The following UGT1A9 variants were observed in gnomAD, a reference collection of about 807,000 sequenced individuals.
UGT1A9 encodes UDP-glucuronosyltransferase 1A9.
Under a neutral mutation model 45.0 loss-of-function variants are expected in UGT1A9, and 35 were observed. The ratio of observed to expected loss-of-function variants is 0.78; its 90% CI spans 0.59 to 1.03. The LOEUF is 1.03. Ranked by LOEUF, UGT1A9 falls within the 50% of genes least tolerant of loss-of-function variation. The pLI, the probability that UGT1A9 is intolerant of heterozygous loss-of-function variation, is 0.00. For missense variants in UGT1A9, 687 were observed against 666.6 expected (o/e 1.03, Z -0.34); for synonymous variants, 278 against 250.6 (o/e 1.11, Z -1.03).
intron 1 of UGT1A9, among the ~76,000 whole-genome samples, chr2:233,736,521 CAA>C (rs1208875271): frequency 6.6e-6 from 1 of 152,210 alleles, no homozygotes; most frequent in Non-Finnish European, 1.5e-5. Flanking sequence ...GTCAACTCGT[CAA>C]AGTCATTCTC....
chr2:233,724,298 C>A (rs1308100434), intron 1 of UGT1A9, among the ~76,000 whole-genome samples: 9 of 143,244 alleles, frequency 6.3e-5, no homozygotes, highest in South Asian at 2.4e-4. Context: ...CTGACCCCCC[C>A]ACCTCCCTCC....
intron 1 of UGT1A9, among the ~76,000 whole-genome samples, chr2:233,681,529 T>TTA (rs2074527086): frequency 1.6e-5 from 1 of 63,104 alleles, no homozygotes; most frequent in Non-Finnish European, 2.8e-5. Context: ...AGACTCCATC[T>TTA]CAAAAAAAAA....
At chr2:233,761,167 G>A in intron 1 of UGT1A9, 1 of 1,614,098 alleles carries the variant, frequency 6.2e-7, no homozygotes. Context: ...TATTGGAGTG[G>A]GACTTTTACA....
intron 1 of UGT1A9, among the ~76,000 whole-genome samples, chr2:233,704,562 T>C (rs1206655848): frequency 6.6e-6 from 1 of 152,186 alleles, no homozygotes; most frequent in Admixed American, 6.5e-5. Flanking sequence ...TTTATATAAA[T>C]ACACATGCTT....
chr2:233,676,471 A>G (rs550913386), intron 1 of UGT1A9, among the ~76,000 whole-genome samples: 1 of 152,304 alleles, frequency 6.6e-6, no homozygotes, highest in Non-Finnish European at 1.5e-5. Context: ...CTCATTCACC[A>G]ATATTGACGC....
chr2:233,711,999 G>A (rs746507163), intron 1 of UGT1A9, among the ~76,000 whole-genome samples: 2 of 152,198 alleles, frequency 1.3e-5, no homozygotes, highest in Non-Finnish European at 2.9e-5. Context: ...ATTCTGTTCT[G>A]GAGGAACCAT....
chr2:233,732,689 A>G (rs539580267), intron 1 of UGT1A9, among the ~76,000 whole-genome samples: 1 of 150,444 alleles, frequency 6.6e-6, no homozygotes, highest in African/African-American at 2.4e-5. Context: ...ACCAGCACCC[A>G]TGCTGTTTTG....
chr2:233,687,831 C>A (rs1481832407), intron 1 of UGT1A9, among the ~76,000 whole-genome samples: 1 of 152,108 alleles, frequency 6.6e-6, no homozygotes. Flanking sequence ...TCCTGTAAAC[C>A]CAGGAGGTTA....
intron 1 of UGT1A9, among the ~76,000 whole-genome samples, chr2:233,733,533 G>T (rs184573517): frequency 6.6e-6 from 1 of 152,150 alleles, no homozygotes; most frequent in African/African-American, 2.4e-5. Flanking sequence ...GTTTAATTTT[G>T]TTGAAGGCCT....
At chr2:233,764,035 A>G (rs1459516650) in intron 1 of UGT1A9, among the ~76,000 whole-genome samples, 2 of 152,226 alleles carry the variant, frequency 1.3e-5, no homozygotes, top group Non-Finnish European at 2.9e-5. Context: ...GTGCTAAAGA[A>G]GAATTCTGGG....
chr2:233,689,310 C>T (rs933762427), intron 1 of UGT1A9, among the ~76,000 whole-genome samples: 1 of 151,096 alleles, frequency 6.6e-6, no homozygotes, highest in African/African-American at 2.4e-5. Context: ...CACAGTAAGA[C>T]CAAACATCTA....
In UGT1A9 at chr2:233,682,591, A is replaced by T. The variant is rs747574458; in HGVS notation, c.855+9802A>T. The stretch of plus-strand genomic sequence containing the variant: ...ACATCATGCACTTGGAGGAACATTT[A>T]TTTTGCCCCTATTTTTTCAAAAATG... On this transcript the variant is annotated intron_variant, in intron 1 of 4. Transcript: ENST00000354728. The T allele has an allele frequency of 4.3e-6, 7 of 1,613,826 alleles. No homozygotes were observed. The South Asian group carries it at 7.7e-5, about 18-fold the overall frequency.
intron 1 of UGT1A9, chr2:233,729,094 G>T: frequency 9.9e-6 from 16 of 1,612,652 alleles, no homozygotes; most frequent in Non-Finnish European, 1.4e-5. Flanking sequence ...ACAGCGTGGG[G>T]TGGACAGTCA....
chr2:233,706,466 C>T (rs1190606986), intron 1 of UGT1A9, among the ~76,000 whole-genome samples: 1 of 152,212 alleles, frequency 6.6e-6, no homozygotes, highest in African/African-American at 2.4e-5. Context: ...GAGGTTTCAC[C>T]ATAGGCTGGG....
intron 1 of UGT1A9, among the ~76,000 whole-genome samples, chr2:233,694,285 G>A (rs1303012674): frequency 6.6e-6 from 1 of 151,386 alleles, no homozygotes; most frequent in African/African-American, 2.4e-5. Flanking sequence ...AGCCCAATCT[G>A]CCCAAAGGCC....
intron 1 of UGT1A9, chr2:233,730,090 C>G: frequency 6.3e-7 from 1 of 1,596,074 alleles, no homozygotes; most frequent in Admixed American, 1.7e-5. Flanking sequence ...ACTTATCTTT[C>G]CAAATATTTC....
intron 1 of UGT1A9, among the ~76,000 whole-genome samples, chr2:233,690,256 C>T (rs1001028460): frequency 3.3e-5 from 5 of 152,190 alleles, no homozygotes; most frequent in Non-Finnish European, 7.3e-5. Flanking sequence ...TTTTAAGTCT[C>T]AAACATTTTG....
At chr2:233,723,515 T>C (rs1475684057) in intron 1 of UGT1A9, among the ~76,000 whole-genome samples, 1,226 of 106,738 alleles carry the variant, frequency 0.011, 61 homozygotes, top group African/African-American at 0.052. Flanking sequence ...TGGTCAACAA[T>C]CTTTTTTTTT....
intron 1 of UGT1A9, chr2:233,743,959 C>A (rs371517697): frequency 5.2e-6 from 7 of 1,333,990 alleles, no homozygotes; most frequent in Non-Finnish European, 7.0e-6. Context: ...GCACAGCGAG[C>A]GGCAAGGCTG....
Sources: allele counts gnomAD v4.1 joint callset (sites outside exome capture counted in the v4.1 genomes callset), GRCh38; gene constraint gnomAD v4.1.1; transcripts MANE v1.5; gene names NCBI Gene and HGNC (gene_info 2026-07-23, HGNC 2026-07-21).